Variants in ZDHHC2 observed in about 807,000 individuals in gnomAD.
The protein encoded by ZDHHC2 is zDHHC palmitoyltransferase 2.
Under a neutral mutation model 55.6 loss-of-function variants are expected in ZDHHC2, and 51 were observed. The ratio of observed to expected loss-of-function variants is 0.92; its 90% CI spans 0.73 to 1.16. The LOEUF (loss-of-function observed/expected upper bound fraction) is 1.16. ZDHHC2 is among the 50% of genes most tolerant of loss of function. ZDHHC2 has a pLI of 0.00. For missense variants in ZDHHC2, 491 were observed against 442.4 expected, an observed-to-expected ratio of 1.11 and a Z score of -0.99; for synonymous variants, 199 against 152.9, an observed-to-expected ratio of 1.30 and a Z score of -2.22.
intron 3 of ZDHHC2, among the ~76,000 whole-genome samples, chr8:17,187,747 G>T (rs1805789581): frequency 6.6e-6 from 1 of 151,912 alleles, no homozygotes; most frequent in Non-Finnish European, 1.5e-5. Flanking sequence ...CATCCACTCT[G>T]GTAGTTTACA....
chr8:17,207,968 A>C lies in ZDHHC2; in HGVS notation c.606A>C (p.Leu202=). 6.4e-7 allele frequency: 1 copy of C among 1,566,680 alleles called. No homozygotes were observed. Among genetic ancestry groups the C allele is most frequent in the South Asian group, 1.2e-5 (1 of 83,116 alleles). ...QYFIKFWTNG[L]PDTQAKFHIM... is the part of the protein sequence containing the mutation. ...TCTTCCTTTCTTTATAGAATGGCCT[A>C]CCTGATACTCAAGCCAAGTTCCATA... The change falls in exon 8 of 13, where the codon CTA becomes CTC. Residue 202 remains leucine, a synonymous_variant. Transcript: ENST00000262096.
chr8:17,201,130 A>G (rs1806738771), intron 6 of ZDHHC2, among the ~76,000 whole-genome samples: 1 of 152,238 alleles, frequency 6.6e-6, no homozygotes, highest in Non-Finnish European at 1.5e-5. Flanking sequence ...AAATTCAAAA[A>G]TAAAACAGGT....
At chr8:17,190,957 T>C (rs1012909996) in intron 3 of ZDHHC2, among the ~76,000 whole-genome samples, 110 of 127,036 alleles carry the variant, frequency 8.7e-4, no homozygotes, top group Non-Finnish European at 1.3e-3. Flanking sequence ...CATTCTTTTT[T>C]TTTTTTTTTT....
In ZDHHC2 at chr8:17,207,947, C is replaced by G; in HGVS notation, c.598-13C>G. 6.7e-7 allele frequency: 1 copy of G among 1,484,552 alleles called. No individual in the cohort carries two copies. Among genetic ancestry groups the G allele is most frequent in the South Asian group, 1.5e-5 (1 of 66,728 alleles). 92.0% of individuals were successfully genotyped at this position (1,484,552 alleles called of 1,614,324 possible). ...CTTTGACAAAACATGTTATTTTCTT[C>G]CTTTCTTTATAGAATGGCCTACCTG... is the stretch of plus-strand genomic sequence containing the variant. On this transcript the variant is annotated splice_polypyrimidine_tract_variant and intron_variant, in intron 7 of 12. Coordinates refer to ENST00000262096, the MANE Select transcript of ZDHHC2 (RefSeq NM_016353.5).
intron 10 of ZDHHC2, among the ~76,000 whole-genome samples, chr8:17,214,716 C>T (rs1408386255): frequency 1.3e-5 from 2 of 151,958 alleles, no homozygotes; most frequent in Middle Eastern, 3.2e-3. Flanking sequence ...TGTGATCAGG[C>T]TGGGCAACAT....
chr8:17,184,952 T>C (rs1805635710), intron 2 of ZDHHC2, 137 bp downstream of exon 2: 10 of 741,224 alleles, frequency 1.3e-5, no homozygotes, highest in Non-Finnish European at 1.7e-5. Flanking sequence ...GTCTCATTTC[T>C]CTTAAGTTTG....
chr8:17,181,740 A>G (rs1247671764), intron 1 of ZDHHC2, among the ~76,000 whole-genome samples: 1 of 152,132 alleles, frequency 6.6e-6, no homozygotes, highest in Admixed American at 6.5e-5. Flanking sequence ...CAGTATTGCT[A>G]TTTAGTTTTT....
intron 1 of ZDHHC2, among the ~76,000 whole-genome samples, chr8:17,161,705 A>G (rs1030907603): frequency 6.6e-6 from 1 of 152,028 alleles, no homozygotes; most frequent in Non-Finnish European, 1.5e-5. Context: ...CAAAAAATAC[A>G]AATATTAGCC....
At position 17,156,793 on chromosome 8, in the gene ZDHHC2, G is replaced by C. The variant is rs551188737; in HGVS notation, c.70G>C (p.Val24Leu). ...GCGGGTGCTGTACTGGATCCCGGTGGTGTTCATCACCCTCCTGCTCGGCTG... is the reference window on the plus strand; with the variant it reads ...GCGGGTGCTGTACTGGATCCCGGTGCTGTTCATCACCCTCCTGCTCGGCTG... ...CRRVLYWIPV[V>L]FITLLLGWSY... The change falls in exon 1 of 13, where the codon GTG becomes CTG. Residue 24 changes from valine (V) to leucine (L), a missense_variant. Transcript: ENST00000262096. 5 of 1,522,518 alleles carry C rather than the reference G, an allele frequency of 3.3e-6. No homozygotes were observed. Among genetic ancestry groups the C allele is most frequent in the Non-Finnish European group, 4.4e-6 (5 of 1,133,780 alleles). The allele number at this position is 1,522,518 out of a possible 1,614,324, so 94.3% of individuals were successfully genotyped here.
intron 3 of ZDHHC2, among the ~76,000 whole-genome samples, chr8:17,189,880 A>C (rs1372170526): frequency 6.6e-6 from 1 of 152,152 alleles, no homozygotes. Context: ...TATTTTACAG[A>C]TGGAGCCACT....
chr8:17,186,457 T>A lies in ZDHHC2; in HGVS notation c.252+32T>A, dbSNP rs1805715797. Reference sequence around the variant, plus strand: ...TAAAATATTAACGAAATTATTCTAATAATAGAAATCAATAATACTGATGTA... The same window carrying A: ...TAAAATATTAACGAAATTATTCTAAAAATAGAAATCAATAATACTGATGTA... On this transcript the variant is annotated intron_variant, in intron 3 of 12. Coordinates refer to ENST00000262096, the MANE Select transcript of ZDHHC2 (RefSeq NM_016353.5). The A allele has an allele frequency of 2.3e-6, 3 of 1,311,400 alleles. No individual in the cohort carries two copies. The African/African-American group carries it at 4.7e-5, about 20-fold the overall frequency. 81.2% of individuals were successfully genotyped at this position (1,311,400 alleles called of 1,614,324 possible). A position where few individuals can be genotyped will look rare whatever the true frequency, so the allele number is the denominator to read the frequency against.
intron 1 of ZDHHC2, among the ~76,000 whole-genome samples, chr8:17,164,732 C>G (rs1804519465): frequency 6.6e-6 from 1 of 152,012 alleles, no homozygotes; most frequent in South Asian, 2.1e-4. Flanking sequence ...CATATTGTTT[C>G]AAAAATTGTA....
intron 3 of ZDHHC2, among the ~76,000 whole-genome samples, chr8:17,193,760 G>A (rs1332507420): frequency 1.3e-5 from 2 of 150,500 alleles, no homozygotes; most frequent in South Asian, 4.2e-4. Flanking sequence ...TAGTCCATCA[G>A]TGGCTTATTA....
In ZDHHC2 at chr8:17,223,524, C is replaced by G. The variant is rs1808002880; in HGVS notation, c.*3303C>G. The G allele has an allele frequency of 6.6e-6, 1 of 151,840 alleles. No individual in the cohort carries two copies. The highest frequency in any genetic ancestry group is 1.5e-5 in the Non-Finnish European group (1 of 67,802). The allele number at this position is 151,840 out of a possible 1,614,324, so 9.4% of individuals were successfully genotyped here. A position where few individuals can be genotyped will look rare whatever the true frequency, so the allele number is the denominator to read the frequency against. On this transcript the variant is annotated 3_prime_UTR_variant, in exon 13 of 13. Transcript: ENST00000262096. ...TTACACTTCTTTTCCACATACTTAG[C>G]CAGTTCAGCACCGATTTCCTCTTAT... is the stretch of plus-strand genomic sequence containing the variant.
chr8:17,160,357 C>T (rs898849495), intron 1 of ZDHHC2, among the ~76,000 whole-genome samples: 1 of 152,154 alleles, frequency 6.6e-6, no homozygotes, highest in Non-Finnish European at 1.5e-5. Context: ...GATGATGTTG[C>T]GCAGTCATGT....
rs555338850 is a variant in ZDHHC2, at chr8:17,211,753, G to C, written c.950+1273G>C. 3.9e-5 allele frequency among the ~76,000 whole-genome samples: 6 copies of C among 152,244 alleles called. No homozygotes were observed. In the South Asian group the frequency reaches 1.2e-3, roughly 32 times the overall value. On this transcript the variant is annotated intron_variant, in intron 10 of 12. Transcript: ENST00000262096. ...CCCTACCAGTTAGTGAATGGGCCCA[G>C]TGTATATATTTCACAGGGACATTCA...
intron 1 of ZDHHC2, among the ~76,000 whole-genome samples, chr8:17,165,439 G>A (rs1804556176): frequency 6.6e-6 from 1 of 152,130 alleles, no homozygotes; most frequent in Non-Finnish European, 1.5e-5. Flanking sequence ...CTTACTCCAG[G>A]ACTAATACCT....
intron 4 of ZDHHC2, among the ~76,000 whole-genome samples, chr8:17,196,274 G>GGTA (rs1195287633): frequency 6.6e-6 from 1 of 152,004 alleles, no homozygotes; most frequent in Non-Finnish European, 1.5e-5. Context: ...TGTCCATTAT[G>GGTA]GTAGCCGCTA....
At chr8:17,188,501 A>G (rs1261534859) in intron 3 of ZDHHC2, among the ~76,000 whole-genome samples, 1 of 152,174 alleles carries the variant, frequency 6.6e-6, no homozygotes, top group Admixed American at 6.5e-5. Flanking sequence ...TCTCATGGAA[A>G]TAATATATTT....
Sources: allele counts gnomAD v4.1 joint callset (sites outside exome capture counted in the v4.1 genomes callset), GRCh38; gene constraint gnomAD v4.1.1; transcripts MANE v1.5; gene names NCBI Gene and HGNC (gene_info 2026-07-23, HGNC 2026-07-21).